The following GIGYF2 variants were observed in gnomAD, a reference collection of about 807,000 sequenced individuals.
GIGYF2 encodes GRB10-interacting GYF protein 2.
A neutral mutation model predicts 208.1 loss-of-function variants in GIGYF2; 25 were observed. The ratio of observed to expected loss-of-function variants is 0.12; its 90% CI spans 0.09 to 0.17. GIGYF2 has a LOEUF of 0.17. Among genes scored for constraint, GIGYF2 ranks in the 10% least tolerant of loss-of-function variants. GIGYF2 has a pLI of 1.00. For missense variants in GIGYF2, 1,302 were observed against 1,579.4 expected (o/e 0.82, Z 2.98); for synonymous variants, 534 against 543.8 (o/e 0.98, Z 0.25).
chr2:232,709,046 TG>T (rs1357599548), intron 2 of GIGYF2, among the ~76,000 whole-genome samples: 3 of 151,928 alleles, frequency 2.0e-5, no homozygotes, highest in African/African-American at 7.3e-5. Flanking sequence ...CTCTTGAACC[TG>T]GGAGGTGGAG....
intron 2 of GIGYF2, among the ~76,000 whole-genome samples, chr2:232,718,676 T>G (rs1696806777): frequency 6.6e-6 from 1 of 152,228 alleles, no homozygotes; most frequent in Non-Finnish European, 1.5e-5. Flanking sequence ...TTGAACTAAT[T>G]TGCACTAATA....
intron 2 of GIGYF2, chr2:232,729,740 T>C (rs916103198): frequency 6.6e-6 from 5 of 752,684 alleles, no homozygotes; most frequent in East Asian, 2.5e-5. Context: ...TTTTGCCATA[T>C]CTGTCTTATC....
intron 23 of GIGYF2, among the ~76,000 whole-genome samples, chr2:232,841,515 ATG>A (rs1407578763): frequency 6.8e-6 from 1 of 147,320 alleles, no homozygotes; most frequent in East Asian, 2.0e-4. Context: ...GAGTTTCACC[ATG>A]TTGGCCAGGC....
chr2:232,812,318 A>T, intron 17 of GIGYF2, 73 bp from the exon 18 acceptor site: 1 of 737,188 alleles, frequency 1.4e-6, no homozygotes, highest in Non-Finnish European at 2.5e-6. Context: ...CTAATCTAGA[A>T]ATTCCTCTTC....
intron 8 of GIGYF2, among the ~76,000 whole-genome samples, chr2:232,778,865 G>A (rs761938974): frequency 9.9e-5 from 15 of 152,152 alleles, no homozygotes; most frequent in Non-Finnish European, 2.1e-4. Context: ...AAATTAACTT[G>A]AGGAAGAACG....
intron 26 of GIGYF2, among the ~76,000 whole-genome samples, chr2:232,846,119 T>A (rs1351341963): frequency 6.6e-6 from 1 of 152,200 alleles, no homozygotes; most frequent in African/African-American, 2.4e-5. Context: ...CATCTTAGAC[T>A]GCCTTAATGA....
rs1379635523 is a variant in GIGYF2 at position 232,845,808 on chromosome 2, G to A, written c.3382G>A (p.Val1128Ile). The stretch of plus-strand genomic sequence containing the variant: ...AAAGTTGCTGAAGCTCTTTCAGGGA[G>A]TAAATAAAGCCCAAGATGGATTTAC... The part of the protein sequence containing the change: ...EEKLLKLFQG[V>I]NKAQDGFTQW... Residue 1128 changes from valine to isoleucine, a missense_variant, in exon 26 of 29, where the codon GTA (valine) becomes ATA (isoleucine). Val to Ile is a conservative substitution (Grantham distance 29, BLOSUM62 3). This residue lies in a region of GIGYF2 where 701 missense variants were observed against 793.0 expected (regional missense o/e 0.88). Transcript: ENST00000373563. 6.2e-7 allele frequency: 1 copy of A among 1,613,520 alleles called. No homozygotes were observed. Among genetic ancestry groups the A allele is most frequent in the Non-Finnish European group, 8.5e-7 (1 of 1,179,412 alleles).
intron 26 of GIGYF2, 67 bp downstream of exon 26, chr2:232,845,953 A>AT: frequency 9.3e-7 from 1 of 1,076,700 alleles, no homozygotes; most frequent in South Asian, 1.3e-5. Context: ...AGGCTGGCAA[A>AT]TTTGAACAGT....
chr2:232,719,253 A>G (rs947206703), intron 2 of GIGYF2: 2 of 152,204 alleles, frequency 1.3e-5, no homozygotes, highest in African/African-American at 4.8e-5. Flanking sequence ...AGACTTCTGG[A>G]AAGCAGTATT....
chr2:232,838,282 A>G (rs561960124), intron 22 of GIGYF2, among the ~76,000 whole-genome samples: 2 of 150,286 alleles, frequency 1.3e-5, no homozygotes, highest in East Asian at 4.0e-4. Flanking sequence ...GTGTGTGTGC[A>G]TGTGTATATA....
At chr2:232,762,289 G>A (rs1010529715) in intron 8 of GIGYF2, among the ~76,000 whole-genome samples, 7 of 139,904 alleles carry the variant, frequency 5.0e-5, no homozygotes, top group Non-Finnish European at 9.1e-5. Context: ...TGGAGACTCT[G>A]TCACCCAGGC....
chr2:232,702,117 A>C (rs547250642), intron 1 of GIGYF2, among the ~76,000 whole-genome samples: 1 of 152,256 alleles, frequency 6.6e-6, no homozygotes, highest in South Asian at 2.1e-4. Flanking sequence ...ACTACACTCC[A>C]GCTGAGGGAA....
chr2:232,733,142 A>G (rs957657374), intron 2 of GIGYF2, among the ~76,000 whole-genome samples: 6 of 151,986 alleles, frequency 3.9e-5, no homozygotes, highest in African/African-American at 1.5e-4. Context: ...CTGTAGTCCC[A>G]GCTACTCGGG....
intron 28 of GIGYF2, among the ~76,000 whole-genome samples, chr2:232,853,073 T>A (rs1202819903): frequency 6.6e-6 from 1 of 152,252 alleles, no homozygotes; most frequent in African/African-American, 2.4e-5. Context: ...AACCTCACTC[T>A]GGAAATTCCT....
intron 8 of GIGYF2, among the ~76,000 whole-genome samples, chr2:232,773,935 G>T (rs1164734489): frequency 2.7e-5 from 4 of 146,256 alleles, no homozygotes; most frequent in Non-Finnish European, 4.5e-5. Context: ...AAAAAAAAAG[G>T]TGTCTTAAGT....
At chr2:232,715,623 T>A (rs1405399468) in intron 2 of GIGYF2, among the ~76,000 whole-genome samples, 1 of 152,082 alleles carries the variant, frequency 6.6e-6, no homozygotes, top group East Asian at 1.9e-4. Flanking sequence ...AGGTAAAATG[T>A]TTAGTAATAA....
At chr2:232,732,885 C>G (rs751583467) in intron 2 of GIGYF2, among the ~76,000 whole-genome samples, 1 of 152,104 alleles carries the variant, frequency 6.6e-6, no homozygotes, top group Non-Finnish European at 1.5e-5. Context: ...CCACCTTGGC[C>G]TCCCAAAGTG....
At chr2:232,762,353 A>G (rs1698778980) in intron 8 of GIGYF2, among the ~76,000 whole-genome samples, 1 of 151,414 alleles carries the variant, frequency 6.6e-6, no homozygotes, top group Non-Finnish European at 1.5e-5. Context: ...CCCGGGTTCA[A>G]GTGAATCTCC....
chr2:232,732,830 A>T (rs895034352), intron 2 of GIGYF2, among the ~76,000 whole-genome samples: 1 of 151,774 alleles, frequency 6.6e-6, no homozygotes, highest in Non-Finnish European at 1.5e-5. Context: ...GGGTTTTGCC[A>T]TGTTGCCCAG....
Sources: gnomAD v4.1 joint callset for allele counts (sites outside exome capture counted in the v4.1 genomes callset) on GRCh38, gnomAD v4.1.1 for gene constraint, gnomAD v4.1.1 regional missense constraint, MANE v1.5 for transcripts, NCBI Gene and HGNC (gene_info 2026-07-23, HGNC 2026-07-21) for gene names.